LRCH3: variants seen among roughly 807,000 people sequenced by gnomAD.
LRCH3 encodes the protein leucine rich repeats and calponin homology domain containing 3.
A neutral mutation model predicts 104.5 loss-of-function variants in LRCH3; 68 were observed. The observed-to-expected ratio is 0.65, with a 90% CI of 0.54 to 0.80. The LOEUF (loss-of-function observed/expected upper bound fraction) is 0.80. LRCH3 is among the 30% of genes least tolerant of loss of function. The probability of loss-of-function intolerance (pLI) is 0.00; values close to 1 mark genes in which losing one functional copy is unlikely to be tolerated. For missense variants in LRCH3, 951 were observed against 953.9 expected, an observed-to-expected ratio of 1.00 and a Z score of 0.04; for synonymous variants, 344 against 361.3, an observed-to-expected ratio of 0.95 and a Z score of 0.54.
rs775990454 is a variant in LRCH3 at position 197,870,264 on chromosome 3, G to A, written c.1978G>A (p.Asp660Asn). The A allele has an allele frequency of 2.2e-5, 35 of 1,612,768 alleles. No individual in the cohort carries two copies. Among genetic ancestry groups the A allele is most frequent in the Non-Finnish European group, 2.7e-5 (32 of 1,179,000 alleles). ...RQREEELELI[D>N]QLRKHIEYRL... Reference sequence around the variant, plus strand: ...GAGAGAAGAAGAGCTGGAATTAATAGACCAACTGCGTAAAGTATGTACATT... The same window carrying A: ...GAGAGAAGAAGAGCTGGAATTAATAAACCAACTGCGTAAAGTATGTACATT... Residue 660 changes from aspartate to asparagine, a missense_variant, in exon 18 of 21, where the codon GAC becomes AAC. Asp to Asn is a conservative substitution (Grantham distance 23). Coordinates refer to ENST00000425562, the MANE Select transcript of LRCH3 (RefSeq NM_001365715.1).
At chr3:197,803,853 C>G (rs1208623374) in intron 1 of LRCH3, among the ~76,000 whole-genome samples, 1 of 152,302 alleles carries the variant, frequency 6.6e-6, no homozygotes, top group African/African-American at 2.4e-5. Context: ...TAACGTTAAC[C>G]AGGTAATTCT....
chr3:197,818,535 A>G (rs1734115687), intron 3 of LRCH3, among the ~76,000 whole-genome samples: 1 of 152,212 alleles, frequency 6.6e-6, no homozygotes. Flanking sequence ...GAATCCACAA[A>G]TATATTTAAA....
intron 1 of LRCH3, among the ~76,000 whole-genome samples, chr3:197,804,270 A>G (rs978797163): frequency 1.3e-5 from 2 of 152,162 alleles, no homozygotes; most frequent in African/African-American, 4.8e-5. Context: ...AAAGAAAAAA[A>G]AAAAGACCCA....
At chr3:197,803,903 TTA>T (rs1388539501) in intron 1 of LRCH3, among the ~76,000 whole-genome samples, 1 of 152,172 alleles carries the variant, frequency 6.6e-6, no homozygotes, top group Non-Finnish European at 1.5e-5. Flanking sequence ...TTGGCCTTAG[TTA>T]ATTTAACCCA....
chr3:197,859,819 T>C (rs1371188160), intron 15 of LRCH3, among the ~76,000 whole-genome samples: 1 of 152,150 alleles, frequency 6.6e-6, no homozygotes, highest in African/African-American at 2.4e-5. Context: ...TGTAAGAATT[T>C]AAAAACAATT....
intron 1 of LRCH3, among the ~76,000 whole-genome samples, chr3:197,797,878 A>AC (rs1731426159): frequency 7.2e-6 from 1 of 138,168 alleles, no homozygotes; most frequent in African/African-American, 2.9e-5. Flanking sequence ...AAAAAACAAA[A>AC]AAAACAAAAA....
At chr3:197,862,143 A>C (rs1374540714) in intron 15 of LRCH3, among the ~76,000 whole-genome samples, 1 of 152,040 alleles carries the variant, frequency 6.6e-6, no homozygotes, top group Admixed American at 6.6e-5. Flanking sequence ...TTACAGGCGC[A>C]TGCCACCACG....
At chr3:197,873,663 T>TG (rs1292722106) in intron 19 of LRCH3, among the ~76,000 whole-genome samples, 1 of 152,100 alleles carries the variant, frequency 6.6e-6, no homozygotes, top group African/African-American at 2.4e-5. Context: ...AGTTTGAGGC[T>TG]GCAGTGAGCC....
At chr3:197,832,712 C>G (rs1736127449) in intron 8 of LRCH3, among the ~76,000 whole-genome samples, 1 of 141,810 alleles carries the variant, frequency 7.1e-6, no homozygotes, top group Non-Finnish European at 1.5e-5. Context: ...CAGTGTTTAC[C>G]TTTTCTTCAC....
In LRCH3 at chr3:197,854,456, T is replaced by G; in HGVS notation, c.1644+11T>G. ...AGTGCCTTGTGCATGGTAAGAGTTT[T>G]GCACAAAACGGAGTTTCGCATTTCT... On this transcript the variant is annotated intron_variant, in intron 14 of 20. Transcript: ENST00000425562. The surrounding 1 kb of genome is among the most constrained non-coding windows in gnomAD (Gnocchi z 4.5). 2 of 1,613,686 alleles carry G rather than the reference T, an allele frequency of 1.2e-6. No individual in the cohort carries two copies. The highest frequency in any genetic ancestry group is 1.7e-6 in the Non-Finnish European group (2 of 1,179,536).
rs57062885 is a variant in LRCH3 at position 197,813,510 on chromosome 3, ATTTTTTTTTTTTTTTTT to A, written c.263-1376_263-1360del. On this transcript the variant is annotated intron_variant, in intron 1 of 20. Transcript: ENST00000425562. ...CCGTTCTTCTAATGGGAGGCATATA[ATTTTTTTTTTTTTTTTT>A]TTTTTTTTTTTTTTTTTTTTTGAGA... Among the ~76,000 whole-genome samples, 42 of 66,062 alleles carry A rather than the reference ATTTTTTTTTTTTTTTTT, an allele frequency of 6.4e-4. 1 individual carries two copies. Among genetic ancestry groups the A allele is most frequent in the Non-Finnish European group, 7.3e-4 (23 of 31,720 alleles). The allele number at this position is 66,062 out of a possible 152,430, so 43.3% of individuals were successfully genotyped here.
chr3:197,798,087 C>T (rs1396820849), intron 1 of LRCH3, among the ~76,000 whole-genome samples: 2 of 151,950 alleles, frequency 1.3e-5, no homozygotes, highest in African/African-American at 4.8e-5. Context: ...CATCGCAAAC[C>T]TCGTCTCTTA....
intron 1 of LRCH3, among the ~76,000 whole-genome samples, chr3:197,806,008 C>T (rs998241445): frequency 6.6e-6 from 1 of 151,832 alleles, no homozygotes; most frequent in Non-Finnish European, 1.5e-5. Context: ...CTCACTGCGA[C>T]GTCTGCCTCC....
chr3:197,813,821 G>GC (rs1733508062), intron 1 of LRCH3, among the ~76,000 whole-genome samples: 1 of 152,038 alleles, frequency 6.6e-6, no homozygotes, highest in Non-Finnish European at 1.5e-5. Flanking sequence ...GTGAGCCACC[G>GC]CGCCTGGCCT....
intron 1 of LRCH3, among the ~76,000 whole-genome samples, chr3:197,812,504 G>GTTTTTTGTTTTT (rs1733254086): frequency 4.1e-5 from 2 of 48,956 alleles, no homozygotes. Context: ...TCTGCTTTCA[G>GTTTTTTGTTTTT]TTTTTTTTTT....
rs905828598 is a variant in LRCH3, at chr3:197,850,838, C to A, written c.1531-1723C>A. 1.3e-5 allele frequency: 14 copies of A among 1,056,308 alleles called. No homozygotes were observed. In the African/African-American group the frequency reaches 1.9e-4, roughly 14 times the overall value. 65.4% of individuals were successfully genotyped at this position (1,056,308 alleles called of 1,614,324 possible). A position where few individuals can be genotyped will look rare whatever the true frequency, so the allele number is the denominator to read the frequency against. The stretch of plus-strand genomic sequence containing the variant: ...GATACTTCGTGGCTTTTCGTATATG[C>A]ATACCCTTGGTGGCCTGAGCAGTTC... On this transcript the variant is annotated intron_variant, in intron 12 of 20. Transcript: ENST00000425562.
At position 197,883,990 on chromosome 3, in the gene LRCH3, A is replaced by G. The variant is rs1055430630; in HGVS notation, c.*324A>G. ...AAGCACATCTTCTGTGTTAGGCACA[A>G]GCATGCTGTGCCATTGTTTTTACCT... On this transcript the variant is annotated 3_prime_UTR_variant, in exon 21 of 21. Transcript: ENST00000425562. The surrounding 1 kb of genome is among the most constrained non-coding windows in gnomAD (Gnocchi z 4.2). 2.4e-5 allele frequency: 6 copies of G among 248,478 alleles called. No homozygotes were observed. In the Admixed American group the frequency reaches 3.2e-4, roughly 13 times the overall value. 15.4% of individuals were successfully genotyped at this position (248,478 alleles called of 1,614,324 possible).
intron 20 of LRCH3, among the ~76,000 whole-genome samples, chr3:197,880,146 C>T (rs111639980): frequency 0.059 from 8,914 of 150,862 alleles, 880 homozygotes; most frequent in African/African-American, 0.2. Context: ...GGGGTTTCAC[C>T]GTGTTAGCCG....
intron 14 of LRCH3, among the ~76,000 whole-genome samples, chr3:197,858,273 T>C (rs755865841): frequency 3.9e-5 from 6 of 152,200 alleles, no homozygotes; most frequent in Admixed American, 6.5e-5. Context: ...CCAGTTGTTA[T>C]GTTGGTTGGT....
Sources: gnomAD v4.1 joint callset for allele counts (sites outside exome capture counted in the v4.1 genomes callset) on GRCh38, gnomAD v4.1.1 for gene constraint, Gnocchi (gnomAD v3.1) non-coding constraint, MANE v1.5 for transcripts, NCBI Gene and HGNC (gene_info 2026-07-23, HGNC 2026-07-21) for gene names.